The following NDST3 variants were observed in gnomAD, a reference collection of about 807,000 sequenced individuals.
The protein encoded by NDST3 is bifunctional heparan sulfate N-deacetylase/N-sulfotransferase 3.
NDST3 carries 58 observed loss-of-function variants against 96.1 expected under a neutral mutation model. The ratio of observed to expected loss-of-function variants is 0.60; its 90% CI spans 0.49 to 0.75. The LOEUF (loss-of-function observed/expected upper bound fraction) is 0.75, where lower values mean the gene tolerates loss of function less well. NDST3 is among the 30% of genes least tolerant of loss of function. The pLI is 0.00. For missense variants in NDST3, 788 were observed against 1,034.2 expected (o/e 0.76, Z 3.27); for synonymous variants, 333 against 359.7 (o/e 0.93, Z 0.84).
chr4:118,157,106 G>A (rs1383271081), intron 6 of NDST3, among the ~76,000 whole-genome samples: 1 of 152,112 alleles, frequency 6.6e-6, no homozygotes, highest in African/African-American at 2.4e-5. Context: ...CTGTGGTATA[G>A]CCATACAAGA....
intron 6 of NDST3, among the ~76,000 whole-genome samples, chr4:118,213,995 T>C (rs1739024182): frequency 6.6e-6 from 1 of 152,122 alleles, no homozygotes. Flanking sequence ...TCCCTGCTCT[T>C]GATGAGCTCA....
chr4:118,073,726 AT>A (rs1271270406), intron 2 of NDST3, among the ~76,000 whole-genome samples: 2 of 150,880 alleles, frequency 1.3e-5, no homozygotes, highest in African/African-American at 4.9e-5. Context: ...TATTCAGTTC[AT>A]TTTTTCACAT....
chr4:118,056,291 G>A, intron 2 of NDST3, among the ~76,000 whole-genome samples: 1 of 151,628 alleles, frequency 6.6e-6, no homozygotes, highest in African/African-American at 2.4e-5. Context: ...TTTGTATGTA[G>A]CCCCCTGTTT....
intron 2 of NDST3, among the ~76,000 whole-genome samples, chr4:118,067,295 G>C (rs1441554559): frequency 1.3e-5 from 2 of 151,926 alleles, no homozygotes; most frequent in African/African-American, 4.8e-5. Context: ...AGTAAGTTAG[G>C]TTAATATTCA....
At chr4:118,113,463 C>G (rs904908559) in intron 3 of NDST3, among the ~76,000 whole-genome samples, 7 of 152,186 alleles carry the variant, frequency 4.6e-5, no homozygotes, top group African/African-American at 1.7e-4. Flanking sequence ...CACTCTACAG[C>G]ACTTAATCTT....
chr4:118,201,808 G>C (rs972819628), intron 6 of NDST3, among the ~76,000 whole-genome samples: 2 of 151,716 alleles, frequency 1.3e-5, no homozygotes, highest in Non-Finnish European at 2.9e-5. Context: ...TTTTTGTCTT[G>C]TTGTTGTTGT....
intron 2 of NDST3, among the ~76,000 whole-genome samples, chr4:118,087,862 C>T (rs1728555727): frequency 6.6e-6 from 1 of 152,068 alleles, no homozygotes; most frequent in Admixed American, 6.6e-5. Context: ...GGAGGTTGAC[C>T]TTACCAGTTC....
At chr4:118,063,027 C>T (rs529026668) in intron 2 of NDST3, among the ~76,000 whole-genome samples, 2 of 152,010 alleles carry the variant, frequency 1.3e-5, no homozygotes, top group East Asian at 3.9e-4. Flanking sequence ...CCCATCTCTA[C>T]TAAAAATACA....
At chr4:118,148,102 T>G (rs1260136068) in intron 6 of NDST3, among the ~76,000 whole-genome samples, 1 of 152,224 alleles carries the variant, frequency 6.6e-6, no homozygotes, top group East Asian at 1.9e-4. Flanking sequence ...ATCAAGACCA[T>G]CCTGGCTAAC....
chr4:118,249,658 G>A (rs1207945079), intron 12 of NDST3, among the ~76,000 whole-genome samples: 1 of 150,936 alleles, frequency 6.6e-6, no homozygotes, highest in African/African-American at 2.4e-5. Context: ...CAGAAATCTA[G>A]GTTTGTATTC....
At chr4:118,253,678 T>C in intron 13 of NDST3, 77 bp downstream of exon 13, 4 of 984,222 alleles carry the variant, frequency 4.1e-6, no homozygotes, top group Non-Finnish European at 6.1e-6. Context: ...CTTAAAAAAC[T>C]AGTTAAAGTC....
chr4:118,212,182 C>G (rs1301774212), intron 6 of NDST3, among the ~76,000 whole-genome samples: 1 of 152,108 alleles, frequency 6.6e-6, no homozygotes, highest in Non-Finnish European at 1.5e-5. Context: ...AAAAACATGC[C>G]ACAATGTGCA....
chr4:118,101,298 A>G (rs931687822), intron 2 of NDST3, among the ~76,000 whole-genome samples: 10 of 151,652 alleles, frequency 6.6e-5, no homozygotes, highest in African/African-American at 2.4e-4. Context: ...TCTTTAAATT[A>G]GTTCTTTTTT....
intron 12 of NDST3, among the ~76,000 whole-genome samples, chr4:118,243,010 T>A (rs1490088001): frequency 2.0e-5 from 3 of 152,178 alleles, no homozygotes; most frequent in Admixed American, 1.3e-4. Flanking sequence ...AGAATTATAT[T>A]TGTTCCTACC....
chr4:118,244,634 C>A (rs1214216377), intron 12 of NDST3, among the ~76,000 whole-genome samples: 1 of 152,128 alleles, frequency 6.6e-6, no homozygotes, highest in East Asian at 1.9e-4. Context: ...TTTTGCTATG[C>A]AATCTTGGTG....
intron 6 of NDST3, among the ~76,000 whole-genome samples, chr4:118,209,650 A>G (rs1028489635): frequency 1.3e-5 from 2 of 152,216 alleles, no homozygotes; most frequent in African/African-American, 4.8e-5. Context: ...CATAAATGTT[A>G]TAAAAAAGAC....
rs527778813 is a variant in NDST3, at chr4:118,130,124, G to C, written c.1225-7930G>C. Among the ~76,000 whole-genome samples, 10 of 152,038 alleles carry C rather than the reference G, an allele frequency of 6.6e-5. No homozygotes were observed. The East Asian group carries it at 1.7e-3, about 26-fold the overall frequency. ...TGTGGGCAACAGATCATAGAGTCTT[G>C]TATTTTCATCCATTTGGCCACTCTG... On this transcript the variant is annotated intron_variant, in intron 4 of 13. Coordinates refer to ENST00000296499, the MANE Select transcript of NDST3 (RefSeq NM_004784.3).
intron 6 of NDST3, among the ~76,000 whole-genome samples, chr4:118,186,812 T>C (rs1736991333): frequency 6.6e-6 from 1 of 152,220 alleles, no homozygotes; most frequent in African/African-American, 2.4e-5. Flanking sequence ...GTTACCATCA[T>C]TTTGGGTTTC....
chr4:118,077,018 T>C (rs533216606), intron 2 of NDST3, among the ~76,000 whole-genome samples: 3 of 152,332 alleles, frequency 2.0e-5, no homozygotes, highest in East Asian at 1.9e-4. Context: ...GTTGGTTCAA[T>C]TGACTGGCTT....
Sources: gnomAD v4.1 joint callset for allele counts (sites outside exome capture counted in the v4.1 genomes callset) on GRCh38, gnomAD v4.1.1 for gene constraint, MANE v1.5 for transcripts, NCBI Gene and HGNC (gene_info 2026-07-23, HGNC 2026-07-21) for gene names.